HIVEP2: variants seen among roughly 807,000 people sequenced by gnomAD.
HIVEP2 encodes transcription factor HIVEP2.
In HIVEP2, 14 loss-of-function variants were observed where a neutral mutation model predicts 180.7. The ratio of observed to expected loss-of-function variants is 0.08; its 90% confidence interval spans 0.05 to 0.12. The LOEUF is 0.12. Ranked by LOEUF, HIVEP2 falls within the 10% of genes least tolerant of loss-of-function variation. The pLI is 1.00. For missense variants in HIVEP2, 2,579 were observed against 3,008.5 expected, an observed-to-expected ratio of 0.86 and a Z score of 3.34; for synonymous variants, 1,184 against 1,136.4, an observed-to-expected ratio of 1.04 and a Z score of -0.84.
chr6:142,852,560 C>T (rs1775710958), intron 1 of HIVEP2, among the ~76,000 whole-genome samples: 2 of 152,160 alleles, frequency 1.3e-5, no homozygotes, highest in African/African-American at 2.4e-5. Context: ...CTAAGTATCC[C>T]TCCTATCATG....
intron 7 of HIVEP2, among the ~76,000 whole-genome samples, chr6:142,763,974 G>T (rs1413591868): frequency 2.0e-5 from 3 of 152,020 alleles, no homozygotes; most frequent in Admixed American, 2.0e-4. Flanking sequence ...TCTTTTTCTT[G>T]AATGAGCAGA....
At chr6:142,777,003 A>C (rs916486495) in intron 3 of HIVEP2, among the ~76,000 whole-genome samples, 4 of 152,182 alleles carry the variant, frequency 2.6e-5, no homozygotes, top group African/African-American at 9.7e-5. Flanking sequence ...GTGAATACTC[A>C]ACTTCCTTAG....
rs549055540 is a variant in HIVEP2, at chr6:142,872,918, T to G, written c.-640-35871A>C. Among the ~76,000 whole-genome samples, 3 of 152,322 alleles carry G rather than the reference T, an allele frequency of 2.0e-5. No homozygotes were observed. In the South Asian group the frequency reaches 6.2e-4, roughly 32 times the overall value. On this transcript the variant is annotated intron_variant, in intron 1 of 9. Coordinates refer to ENST00000367603, the MANE Select transcript of HIVEP2 (RefSeq NM_006734.4). ...TTTTTGACTGATTTGACTATTGTTT[T>G]TCTACATTCCCAGCATCTACAATCC...
chr6:142,834,949 A>G (rs1775187297), intron 2 of HIVEP2, among the ~76,000 whole-genome samples: 2 of 145,234 alleles, frequency 1.4e-5, no homozygotes, highest in South Asian at 4.6e-4. Flanking sequence ...TACCGATTCC[A>G]TATGAAGTCC....
intron 2 of HIVEP2, among the ~76,000 whole-genome samples, chr6:142,808,675 AGGAT>A (rs1469610996): frequency 1.4e-5 from 2 of 145,052 alleles, no homozygotes; most frequent in African/African-American, 5.2e-5. Flanking sequence ...GATGGATAGA[AGGAT>A]GGATGAATAG....
At chr6:142,874,739 T>G (rs1260062286) in intron 1 of HIVEP2, among the ~76,000 whole-genome samples, 1 of 152,062 alleles carries the variant, frequency 6.6e-6, no homozygotes, top group African/African-American at 2.4e-5. Flanking sequence ...GGCCTGAAGA[T>G]CTGAATAAAC....
intron 1 of HIVEP2, chr6:142,944,849 C>G (rs1582984449): frequency 2.6e-5 from 4 of 152,436 alleles, no homozygotes; most frequent in African/African-American, 9.6e-5. Flanking sequence ...AGCCGCTCTG[C>G]AGCCGGTGCA....
At chr6:142,787,479 G>A (rs1281214793) in intron 2 of HIVEP2, among the ~76,000 whole-genome samples, 1 of 151,668 alleles carries the variant, frequency 6.6e-6, no homozygotes, top group East Asian at 1.9e-4. Flanking sequence ...ACTAAAGATG[G>A]GAGAAGAGCA....
chr6:142,885,229 C>T (rs1776666453), intron 1 of HIVEP2, among the ~76,000 whole-genome samples: 1 of 152,118 alleles, frequency 6.6e-6, no homozygotes, highest in Admixed American at 6.5e-5. Context: ...CCAGGAAATG[C>T]ACCTTTCCCC....
chr6:142,862,215 T>G (rs190915480), intron 1 of HIVEP2, among the ~76,000 whole-genome samples: 1 of 152,078 alleles, frequency 6.6e-6, no homozygotes, highest in East Asian at 1.9e-4. Context: ...TAAAGCAATG[T>G]ATTGTACTAG....
At position 142,813,909 on chromosome 6, in the gene HIVEP2, C is replaced by T. The variant is rs76425796; in HGVS notation, c.-528+23026G>A. 7.8e-3 allele frequency among the ~76,000 whole-genome samples: 1,182 copies of T among 152,010 alleles called. 23 individuals carry two copies. The highest frequency in any genetic ancestry group is 0.027 in the African/African-American group (1,124 of 41,466). ...ATTTGGCTTCTCTTTACAATCTTTCCTCTATCATTTTATTGACTTTCTAGC... is the reference window on the plus strand; with the variant it reads ...ATTTGGCTTCTCTTTACAATCTTTCTTCTATCATTTTATTGACTTTCTAGC... On this transcript the variant is annotated intron_variant, in intron 2 of 9. Transcript: ENST00000367603.
chr6:142,852,805 A>C (rs1562264754), intron 1 of HIVEP2, among the ~76,000 whole-genome samples: 1 of 152,204 alleles, frequency 6.6e-6, no homozygotes, highest in Admixed American at 6.5e-5. Context: ...ACAGGGGAAA[A>C]ATACATAAGA....
At chr6:142,757,301 A>G (rs975577638) in intron 9 of HIVEP2, among the ~76,000 whole-genome samples, 1 of 152,204 alleles carries the variant, frequency 6.6e-6, no homozygotes, top group Non-Finnish European at 1.5e-5. Flanking sequence ...CATCCTCTAA[A>G]GAGAATTAAA....
intron 1 of HIVEP2, among the ~76,000 whole-genome samples, chr6:142,924,472 G>A (rs6924686): frequency 0.021 from 3,225 of 152,128 alleles, 104 homozygotes; most frequent in African/African-American, 0.066. Flanking sequence ...AAAAAATACT[G>A]TTTAAGATAT....
intron 1 of HIVEP2, among the ~76,000 whole-genome samples, chr6:142,847,088 C>T (rs1234972732): frequency 2.6e-5 from 4 of 152,152 alleles, no homozygotes; most frequent in Non-Finnish European, 4.4e-5. Context: ...CCACCCTGTA[C>T]CTCAGGGTTA....
intron 2 of HIVEP2, among the ~76,000 whole-genome samples, chr6:142,813,733 AT>A (rs1372078840): frequency 6.6e-6 from 1 of 151,622 alleles, no homozygotes; most frequent in South Asian, 2.1e-4. Context: ...ATGCCCCAGA[AT>A]TTTTTATTTT....
Position 142,760,682 on chromosome 6 carries a change from C to T in HIVEP2, c.5621-15G>A. 3 of 1,563,182 alleles carry T rather than the reference C, an allele frequency of 1.9e-6. No individual in the cohort carries two copies. Among genetic ancestry groups the T allele is most frequent in the Non-Finnish European group, 1.7e-6 (2 of 1,151,022 alleles). On this transcript the variant is annotated splice_polypyrimidine_tract_variant and intron_variant, in intron 8 of 9. Coordinates refer to ENST00000367603, the MANE Select transcript of HIVEP2 (RefSeq NM_006734.4). ...TTCCAAATTTTCTGAAACAATTAAA[C>T]AAAGATAATGGAGATCAAGATCCAA...
At chr6:142,843,128 G>C (rs577617162) in intron 1 of HIVEP2, among the ~76,000 whole-genome samples, 1 of 152,138 alleles carries the variant, frequency 6.6e-6, no homozygotes, top group Non-Finnish European at 1.5e-5. Context: ...GAGTCACCAG[G>C]GGAGCTTGTT....
chr6:142,901,040 G>A (rs116566653), intron 1 of HIVEP2, among the ~76,000 whole-genome samples: 356 of 152,254 alleles, frequency 2.3e-3, no homozygotes, highest in African/African-American at 7.5e-3. Flanking sequence ...CAGATTTTCC[G>A]TTGCTCATCT....
Sources: allele counts gnomAD v4.1 joint callset (sites outside exome capture counted in the v4.1 genomes callset), GRCh38; gene constraint gnomAD v4.1.1; transcripts MANE v1.5; gene names NCBI Gene and HGNC (gene_info 2026-07-23, HGNC 2026-07-21).